The following MVB12B variants were observed in gnomAD, a reference collection of about 807,000 sequenced individuals.
The protein encoded by MVB12B is ESCRT-I complex subunit MVB12B.
A neutral mutation model predicts 41.6 loss-of-function variants in MVB12B; 16 were observed. That is an observed-to-expected ratio of 0.38 (90% CI 0.26 to 0.58). The LOEUF (loss-of-function observed/expected upper bound fraction) is 0.58, where lower values mean the gene tolerates loss of function less well. MVB12B is among the 20% of genes least tolerant of loss of function. MVB12B has a pLI of 0.62. For synonymous variants in MVB12B, 133 were observed against 139.7 expected (o/e 0.95, Z 0.34); for missense variants, 274 against 380.2 (o/e 0.72, Z 2.32).
At chr9:126,366,957 C>T (rs566903471) in intron 2 of MVB12B, among the ~76,000 whole-genome samples, 1 of 152,314 alleles carries the variant, frequency 6.6e-6, no homozygotes, top group East Asian at 1.9e-4. Context: ...CTTACCACTC[C>T]CAATAGAAGA....
Position 126,398,762 on chromosome 9 carries a change from A to AAGC in MVB12B, c.662+3065_662+3066insAGC, listed in dbSNP as rs1564309772. Among the ~76,000 whole-genome samples, 416 of 152,320 alleles carry AAGC rather than the reference A, an allele frequency of 2.7e-3. 1 individual carries two copies. The highest frequency in any genetic ancestry group is 9.7e-3 in the African/African-American group (401 of 41,548). ...AGAGCCCTGGCCCAGGCCAGCCAGG[A>AAGC]GGACCTAGGAAGCGGTGGGTCACAG... On this transcript the variant is annotated intron_variant, in intron 6 of 9. Coordinates refer to ENST00000361171, the MANE Select transcript of MVB12B (RefSeq NM_033446.3).
chr9:126,417,045 C>T (rs1290138537), intron 6 of MVB12B, among the ~76,000 whole-genome samples: 2 of 152,204 alleles, frequency 1.3e-5, no homozygotes, highest in African/African-American at 4.8e-5. Context: ...CTTGATGTGC[C>T]TTTCTGTCCT....
At chr9:126,349,475 C>T (rs1365221381) in intron 2 of MVB12B, among the ~76,000 whole-genome samples, 1 of 152,174 alleles carries the variant, frequency 6.6e-6, no homozygotes, top group South Asian at 2.1e-4. Context: ...TTCATGTTGT[C>T]GTTTTATAGC....
intron 2 of MVB12B, among the ~76,000 whole-genome samples, chr9:126,379,178 T>C (rs75987684): frequency 0.011 from 1,740 of 152,336 alleles, 25 homozygotes; most frequent in Middle Eastern, 0.037. Context: ...CCTTATTCCC[T>C]TTGTTTAGAG....
chr9:126,463,233 G>A (rs1833127319), intron 7 of MVB12B, among the ~76,000 whole-genome samples: 2 of 152,068 alleles, frequency 1.3e-5, no homozygotes, highest in African/African-American at 2.4e-5. Context: ...CCTGCCTCCC[G>A]TCTCCAAGAG....
intron 7 of MVB12B, among the ~76,000 whole-genome samples, chr9:126,442,905 C>T (rs931382158): frequency 1.3e-5 from 2 of 152,198 alleles, no homozygotes; most frequent in Non-Finnish European, 2.9e-5. Flanking sequence ...AATGGTGACA[C>T]TACCCACTGG....
Position 126,355,529 on chromosome 9 carries a change from G to A in MVB12B, c.204+14899G>A, listed in dbSNP as rs563810490. On this transcript the variant is annotated intron_variant, in intron 2 of 9. Transcript: ENST00000361171. ...ATTTAAAGTACTGCATTATGAGGGC[G>A]TTGCAACATCTTGCTTATAACTTAA... is the stretch of plus-strand genomic sequence containing the variant. Among the ~76,000 whole-genome samples the A allele has an allele frequency of 2.4e-4, 37 of 152,290 alleles. 1 individual carries two copies. In the South Asian group the frequency reaches 5.4e-3, roughly 22 times the overall value.
chr9:126,428,791 A>G (rs1319391865), intron 7 of MVB12B, among the ~76,000 whole-genome samples: 5 of 152,052 alleles, frequency 3.3e-5, no homozygotes, highest in Non-Finnish European at 7.4e-5. Flanking sequence ...GTTCCTGATA[A>G]CCACCAAGGA....
chr9:126,423,668 C>A (rs773803718), intron 7 of MVB12B, among the ~76,000 whole-genome samples: 1 of 152,150 alleles, frequency 6.6e-6, no homozygotes, highest in African/African-American at 2.4e-5. Flanking sequence ...TGTGTTGCTG[C>A]CAGAAATACC....
intron 2 of MVB12B, among the ~76,000 whole-genome samples, chr9:126,369,465 A>G (rs961212361): frequency 4.6e-5 from 7 of 152,228 alleles, no homozygotes; most frequent in African/African-American, 1.7e-4. Context: ...TTAATAAAAG[A>G]AAGAAAACAT....
At chr9:126,434,258 C>T (rs1263781242) in intron 7 of MVB12B, among the ~76,000 whole-genome samples, 5 of 151,634 alleles carry the variant, frequency 3.3e-5, no homozygotes, top group African/African-American at 1.2e-4. Context: ...AAAAAAAAAT[C>T]TTCAATCCTG....
intron 6 of MVB12B, among the ~76,000 whole-genome samples, chr9:126,417,532 G>A (rs780453037): frequency 1.3e-5 from 2 of 152,124 alleles, no homozygotes; most frequent in Non-Finnish European, 1.5e-5. Flanking sequence ...AATACACACA[G>A]GGAGAAATGA....
intron 2 of MVB12B, among the ~76,000 whole-genome samples, chr9:126,358,873 CTTAGGGG>C (rs1829954096): frequency 6.6e-6 from 1 of 152,130 alleles, no homozygotes; most frequent in Non-Finnish European, 1.5e-5. Context: ...TTTCCCAAAT[CTTAGGGG>C]GAAAGCATTC....
chr9:126,423,411 G>A (rs568947521), intron 7 of MVB12B, among the ~76,000 whole-genome samples: 6 of 152,326 alleles, frequency 3.9e-5, no homozygotes, highest in African/African-American at 9.6e-5. Context: ...TCCTCGCCCC[G>A]CAGCTTTGAT....
intron 7 of MVB12B, among the ~76,000 whole-genome samples, chr9:126,441,929 G>A (rs961401746): frequency 6.6e-6 from 1 of 152,182 alleles, no homozygotes; most frequent in African/African-American, 2.4e-5. Context: ...ATTATATAGT[G>A]GTAGAGTCAG....
At chr9:126,477,311 T>C (rs1004239330) in intron 7 of MVB12B, among the ~76,000 whole-genome samples, 2 of 152,160 alleles carry the variant, frequency 1.3e-5, no homozygotes, top group African/African-American at 4.8e-5. Context: ...TCTCCAACAT[T>C]GGGGATTACA....
chr9:126,340,576 C>T lies in MVB12B; in HGVS notation c.150C>T (p.Ile50=), dbSNP rs1309690573. 8 of 1,614,232 alleles carry T rather than the reference C, an allele frequency of 5.0e-6. No homozygotes were observed. The highest frequency in any genetic ancestry group is 6.8e-6 in the Non-Finnish European group (8 of 1,180,024). The change falls in exon 2 of 10, where the codon ATC becomes ATT. Residue 50 remains isoleucine, a synonymous_variant. Transcript: ENST00000361171. The surrounding 1 kb of genome is among the most constrained non-coding windows in gnomAD (Gnocchi z 4.0). ...EALPETSMDP[I]TGVGVVASRN... ...TGCCAGAAACGTCAATGGATCCCAT[C>T]ACGGGAGTCGGGGTGGTGGCTTCTC...
Position 126,486,551 on chromosome 9 carries a change from C to T in MVB12B, c.873+2519C>T, listed in dbSNP as rs1286015658. On this transcript the variant is annotated intron_variant, in intron 9 of 9. Coordinates refer to ENST00000361171, the MANE Select transcript of MVB12B (RefSeq NM_033446.3). The surrounding 1 kb of genome is among the most constrained non-coding windows in gnomAD (Gnocchi z 4.7). ...TGATGCCAAATGGATATAGGTGGGA[C>T]GTGCTGGCAGCAGCGGCCTCAGCGT... 6.6e-6 allele frequency among the ~76,000 whole-genome samples: 1 copy of T among 152,228 alleles called. No individual in the cohort carries two copies. The highest frequency in any genetic ancestry group is 1.5e-5 in the Non-Finnish European group (1 of 68,030).
intron 3 of MVB12B, among the ~76,000 whole-genome samples, chr9:126,384,544 T>C (rs1451157930): frequency 1.3e-5 from 2 of 152,164 alleles, no homozygotes; most frequent in Non-Finnish European, 1.5e-5. Flanking sequence ...TATATATATA[T>C]ATGAAACGAA....
Sources: gnomAD v4.1 joint callset for allele counts (sites outside exome capture counted in the v4.1 genomes callset) on GRCh38, gnomAD v4.1.1 for gene constraint, Gnocchi (gnomAD v3.1) non-coding constraint, MANE v1.5 for transcripts, NCBI Gene and HGNC (gene_info 2026-07-23, HGNC 2026-07-21) for gene names.